The following KLHL13 variants were observed in gnomAD, a reference collection of about 807,000 sequenced individuals.
KLHL13 encodes kelch-like protein 13.
KLHL13 carries 10 observed loss-of-function variants against 37.1 expected under a neutral mutation model. The observed-to-expected ratio is 0.27, with a 90% CI of 0.17 to 0.46. The LOEUF (loss-of-function observed/expected upper bound fraction) is 0.46, where lower values mean the gene tolerates loss of function less well. Among genes scored for constraint, KLHL13 ranks in the 20% least tolerant of loss-of-function variants. KLHL13 has a pLI of 1.00. For synonymous variants in KLHL13, 163 were observed against 181.2 expected, an observed-to-expected ratio of 0.90 and a Z score of 0.81; for missense variants, 360 against 509.3, an observed-to-expected ratio of 0.71 and a Z score of 2.82.
At chrX:118,051,920 G>A (rs979844514) in intron 1 of KLHL13, among the ~76,000 whole-genome samples, 11 of 111,060 alleles carry the variant, frequency 9.9e-5, no homozygotes, top group Non-Finnish European at 7.5e-5. Context: ...TGGAGGCAGA[G>A]GCAAGGAAAC....
intron 1 of KLHL13, among the ~76,000 whole-genome samples, chrX:118,015,770 A>G (rs988627795): frequency 8.9e-6 from 1 of 111,827 alleles, no homozygotes; most frequent in Non-Finnish European, 1.9e-5. Context: ...ATCTTATGAC[A>G]ATAATAGTGG....
chrX:118,077,149 T>C (rs1324633760), intron 1 of KLHL13, among the ~76,000 whole-genome samples: 2 of 111,576 alleles, frequency 1.8e-5, no homozygotes, highest in African/African-American at 6.5e-5. Flanking sequence ...GACCTTACAG[T>C]ATAGCAAGGC....
chrX:118,078,150 T>C (rs1380729815), intron 1 of KLHL13, among the ~76,000 whole-genome samples: 2 of 111,916 alleles, frequency 1.8e-5, no homozygotes, highest in Non-Finnish European at 3.8e-5. Context: ...CCTTATAGTT[T>C]AGCGTCACCT....
intron 1 of KLHL13, among the ~76,000 whole-genome samples, chrX:117,992,919 C>T (rs1191715287): frequency 1.8e-5 from 2 of 112,303 alleles, no homozygotes; most frequent in African/African-American, 6.5e-5. Flanking sequence ...TAAGCATCTA[C>T]TTTGTACCAG....
At chrX:117,921,025 C>G (rs1021866865) in intron 2 of KLHL13, among the ~76,000 whole-genome samples, 3 of 111,088 alleles carry the variant, frequency 2.7e-5, no homozygotes, top group African/African-American at 9.8e-5. Flanking sequence ...TCTCCAAATG[C>G]CTAAAGGTTT....
At chrX:117,983,320 G>A (rs2053685278) in intron 1 of KLHL13, among the ~76,000 whole-genome samples, 1 of 111,099 alleles carries the variant, frequency 9.0e-6, no homozygotes, top group Admixed American at 9.6e-5. Context: ...ATTTTTAACA[G>A]CATGATTTAC....
At chrX:117,963,525 C>A (rs1330684599) in intron 1 of KLHL13, among the ~76,000 whole-genome samples, 1 of 109,331 alleles carries the variant, frequency 9.1e-6, no homozygotes, top group Non-Finnish European at 1.9e-5. Context: ...CCGCAATAAA[C>A]ATACGTGTGC....
intron 1 of KLHL13, among the ~76,000 whole-genome samples, chrX:118,099,919 A>AAAGG (rs59085638): frequency 0.11 from 10,976 of 102,110 alleles, 1,607 homozygotes; most frequent in African/African-American, 0.38. Context: ...AGGAAGGAAG[A>AAAGG]AAGGAAGGAA....
upstream of KLHL13, among the ~76,000 whole-genome samples, chrX:117,976,226 C>T (rs1454381644): frequency 8.9e-6 from 1 of 111,816 alleles, no homozygotes; most frequent in African/African-American, 3.2e-5. Flanking sequence ...TCTTACTTTT[C>T]CTTTAATAAA....
chrX:117,945,500 C>A lies in KLHL13; in HGVS notation c.174G>T (p.Leu58Phe). 1 of 1,208,548 alleles carries A rather than the reference C, an allele frequency of 8.3e-7. No homozygotes were observed. The highest frequency in any genetic ancestry group is 1.1e-6 in the Non-Finnish European group (1 of 892,968). Residue 58 changes from leucine (L) to phenylalanine (F), a missense_variant, in exon 2 of 7, where the codon TTG (leucine) becomes TTT (phenylalanine). By Grantham distance (22) the Leu-to-Phe change is conservative. Around this residue, in one of 2 missense-constraint regions of KLHL13, gnomAD observed 194 missense variants for 225.0 expected, o/e 0.86. Transcript: ENST00000262820. Reference sequence around the variant, plus strand: ...GTGTAGGTCCTGCCTTGGAAGACTGCAAATGGGATGAGAGGCCCATTTCGC... The same window carrying A: ...GTGTAGGTCCTGCCTTGGAAGACTGAAAATGGGATGAGAGGCCCATTTCGC...
Position 117,940,488 on chromosome X carries a change from T to C in KLHL13, c.240+4946A>G, listed in dbSNP as rs760864069. Among the ~76,000 whole-genome samples, 6 of 111,903 alleles carry C rather than the reference T, an allele frequency of 5.4e-5. No individual in the cohort carries two copies. In the East Asian group the frequency reaches 1.7e-3, roughly 32 times the overall value. ...TTTCTAATTCTGGGAAGAAAGTCAA[T>C]GGTAGCTTGATGGGGATAGCATTGA... is the stretch of plus-strand genomic sequence containing the variant. On this transcript the variant is annotated intron_variant, in intron 2 of 6. Coordinates refer to ENST00000262820, the Ensembl canonical transcript of KLHL13.
chrX:118,071,860 C>T (rs1444938951), intron 1 of KLHL13, among the ~76,000 whole-genome samples: 1 of 104,458 alleles, frequency 9.6e-6, no homozygotes, highest in Non-Finnish European at 2.0e-5. Flanking sequence ...ACATTCCATG[C>T]TCATGGGTAG....
At chrX:118,085,793 C>T (rs2055047237) in intron 1 of KLHL13, among the ~76,000 whole-genome samples, 1 of 82,987 alleles carries the variant, frequency 1.2e-5, no homozygotes, top group Admixed American at 1.4e-4. Flanking sequence ...AGTAATATTC[C>T]ATGGTGTGTG....
chrX:118,051,624 G>T (rs1295484690), intron 1 of KLHL13, among the ~76,000 whole-genome samples: 10 of 110,414 alleles, frequency 9.1e-5, no homozygotes, highest in African/African-American at 3.3e-4. Flanking sequence ...TGAATAAATG[G>T]AAACACACAC....
intron 1 of KLHL13, among the ~76,000 whole-genome samples, chrX:118,084,597 A>G (rs143015899): frequency 0.074 from 8,316 of 111,641 alleles, 259 homozygotes; most frequent in Middle Eastern, 0.12. Flanking sequence ...TTATCTCACA[A>G]TTGTACACAG....
At chrX:118,099,640 C>G (rs1199357733) in intron 1 of KLHL13, among the ~76,000 whole-genome samples, 1 of 110,241 alleles carries the variant, frequency 9.1e-6, no homozygotes, top group African/African-American at 3.3e-5. Context: ...ACAGCAACAC[C>G]TCGTCTCTAA....
intron 1 of KLHL13, among the ~76,000 whole-genome samples, chrX:118,045,701 C>G (rs2054553051): frequency 1.8e-5 from 2 of 110,717 alleles, no homozygotes; most frequent in Non-Finnish European, 3.8e-5. Flanking sequence ...CTCAGCTACT[C>G]AGGAAGCTGA....
intron 1 of KLHL13, among the ~76,000 whole-genome samples, chrX:118,078,443 C>T (rs2054951254): frequency 9.0e-6 from 1 of 111,323 alleles, no homozygotes; most frequent in Admixed American, 9.5e-5. Flanking sequence ...CCAGCAAGCA[C>T]TAACTTGTTT....
chrX:118,117,036 C>T (rs928374698), upstream of KLHL13, among the ~76,000 whole-genome samples: 2 of 113,009 alleles, frequency 1.8e-5, no homozygotes, highest in Non-Finnish European at 3.8e-5. Context: ...AGCTGAATGA[C>T]CGCTAAGTGG....
Sources: gnomAD v4.1 joint callset for allele counts (sites outside exome capture counted in the v4.1 genomes callset) on GRCh38, gnomAD v4.1.1 for gene constraint, gnomAD v4.1.1 regional missense constraint, MANE v1.5 for transcripts, NCBI Gene and HGNC (gene_info 2026-07-23, HGNC 2026-07-21) for gene names.